Variants in PCDH7 observed in about 807,000 individuals in gnomAD.
PCDH7 encodes the protein protocadherin-7.
A neutral mutation model predicts 58.9 loss-of-function variants in PCDH7; 17 were observed. The observed-to-expected ratio is 0.29, with a 90% CI of 0.20 to 0.43. The LOEUF (loss-of-function observed/expected upper bound fraction) is 0.43, where lower values mean the gene tolerates loss of function less well. Ranked by LOEUF, PCDH7 falls within the 20% of genes least tolerant of loss-of-function variation. The pLI is 1.00. For synonymous variants in PCDH7, 664 were observed against 616.4 expected (o/e 1.08, Z -1.14); for missense variants, 1,274 against 1,441.0 (o/e 0.88, Z 1.88).
intron 3 of PCDH7, among the ~76,000 whole-genome samples, chr4:30,972,682 T>C (rs1318442557): frequency 6.6e-6 from 1 of 152,132 alleles, no homozygotes; most frequent in East Asian, 1.9e-4. Context: ...CTTATTTTGC[T>C]CATAAAATCA....
chr4:30,881,577 C>G (rs1736980098), intron 1 of PCDH7, among the ~76,000 whole-genome samples: 1 of 152,128 alleles, frequency 6.6e-6, no homozygotes, highest in Non-Finnish European at 1.5e-5. Context: ...CCGTTTCTAG[C>G]TTTTTGACTG....
chr4:30,724,921 T>G, intron 1 of PCDH7: 1 of 1,092,194 alleles, frequency 9.2e-7, no homozygotes, highest in Non-Finnish European at 1.1e-6. Context: ...TGTGTATTAC[T>G]TAGATGGTTA....
chr4:30,899,986 T>C (rs1231780496), intron 1 of PCDH7, among the ~76,000 whole-genome samples: 1 of 152,212 alleles, frequency 6.6e-6, no homozygotes, highest in Non-Finnish European at 1.5e-5. Flanking sequence ...TCAGTGATTC[T>C]CAAAACTTGG....
At chr4:30,772,450 A>G (rs1721540736) in intron 1 of PCDH7, among the ~76,000 whole-genome samples, 1 of 152,158 alleles carries the variant, frequency 6.6e-6, no homozygotes, top group Admixed American at 6.6e-5. Context: ...GAGGTAAAGC[A>G]TGGCTGACAA....
At chr4:30,979,261 G>A (rs540397120) in intron 3 of PCDH7, among the ~76,000 whole-genome samples, 37 of 150,476 alleles carry the variant, frequency 2.5e-4, no homozygotes, top group African/African-American at 5.9e-4. Flanking sequence ...AGGAGGAGGA[G>A]CTTGCAGTGA....
intron 1 of PCDH7, among the ~76,000 whole-genome samples, chr4:30,762,451 G>T (rs1209580110): frequency 6.6e-6 from 1 of 152,022 alleles, no homozygotes; most frequent in Non-Finnish European, 1.5e-5. Context: ...TTCAAAGAAG[G>T]TTATTTGTCG....
At chr4:30,842,188 G>A in intron 1 of PCDH7, among the ~76,000 whole-genome samples, 1 of 152,144 alleles carries the variant, frequency 6.6e-6, no homozygotes, top group South Asian at 2.1e-4. Flanking sequence ...AAATTTATTG[G>A]AAATAATTTC....
chr4:30,857,850 T>A (rs1018968524), intron 1 of PCDH7, among the ~76,000 whole-genome samples: 1 of 152,184 alleles, frequency 6.6e-6, no homozygotes, highest in Admixed American at 6.6e-5. Context: ...GATCCCAGTC[T>A]TCTGCCTTGT....
At chr4:30,939,485 G>A (rs1213313390) in intron 2 of PCDH7, among the ~76,000 whole-genome samples, 1 of 152,044 alleles carries the variant, frequency 6.6e-6, no homozygotes, top group Admixed American at 6.6e-5. Flanking sequence ...CTCCAGCATA[G>A]TTACTTTCTT....
At chr4:30,981,793 T>A (rs1028451178) in intron 3 of PCDH7, among the ~76,000 whole-genome samples, 1 of 152,212 alleles carries the variant, frequency 6.6e-6, no homozygotes, top group Non-Finnish European at 1.5e-5. Context: ...ATATCACTGA[T>A]TTTTTCTTTT....
intron 3 of PCDH7, among the ~76,000 whole-genome samples, chr4:30,985,358 C>T (rs538478680): frequency 2.0e-5 from 3 of 152,170 alleles, no homozygotes; most frequent in African/African-American, 7.2e-5. Flanking sequence ...TTTCGGGAAA[C>T]ATTATAGACT....
At chr4:30,796,300 C>T (rs1724763494) in intron 1 of PCDH7, among the ~76,000 whole-genome samples, 1 of 152,090 alleles carries the variant, frequency 6.6e-6, no homozygotes, top group African/African-American at 2.4e-5. Context: ...AACGGACTTC[C>T]CCAGTAGTCA....
At chr4:30,856,977 G>A (rs985549123) in intron 1 of PCDH7, among the ~76,000 whole-genome samples, 3 of 151,294 alleles carry the variant, frequency 2.0e-5, no homozygotes, top group African/African-American at 4.9e-5. Context: ...CAGGCATTTC[G>A]GTTATGAGAG....
At chr4:31,088,166 C>T (rs1330646256) in intron 3 of PCDH7, among the ~76,000 whole-genome samples, 1 of 151,832 alleles carries the variant, frequency 6.6e-6, no homozygotes, top group African/African-American at 2.4e-5. Context: ...TGTTTTTAGG[C>T]CCATAGTAGA....
chr4:31,059,984 G>T (rs1239269935), intron 3 of PCDH7, among the ~76,000 whole-genome samples: 1 of 151,756 alleles, frequency 6.6e-6, no homozygotes, highest in African/African-American at 2.4e-5. Flanking sequence ...GAAGCATAAT[G>T]ATGGCTAGAA....
At chr4:30,854,964 T>A (rs1228793538) in intron 1 of PCDH7, among the ~76,000 whole-genome samples, 1 of 152,186 alleles carries the variant, frequency 6.6e-6, no homozygotes, top group African/African-American at 2.4e-5. Flanking sequence ...TGTATAGTTC[T>A]GAGTTAAGTG....
Position 31,067,288 on chromosome 4 carries a change from T to C in PCDH7, c.*8-75185T>C, listed in dbSNP as rs891193541. On this transcript the variant is annotated intron_variant, in intron 3 of 3. Coordinates refer to the PCDH7 transcript ENST00000509759. ...ACCTACAACAAGGTTTGGGAACCACTGTTCCAGGGATGTCTAGGATTTTTA... is the reference window on the plus strand; with the variant it reads ...ACCTACAACAAGGTTTGGGAACCACCGTTCCAGGGATGTCTAGGATTTTTA... Among the ~76,000 whole-genome samples the C allele has an allele frequency of 4.6e-5, 7 of 151,222 alleles. No individual in the cohort carries two copies. In the East Asian group the frequency reaches 1.2e-3, roughly 25 times the overall value.
At chr4:30,927,263 T>C (rs903625937) in intron 2 of PCDH7, among the ~76,000 whole-genome samples, 2 of 152,204 alleles carry the variant, frequency 1.3e-5, no homozygotes, top group African/African-American at 2.4e-5. Flanking sequence ...TATAATTCTA[T>C]TCTTCCTCTG....
At position 30,997,912 on chromosome 4, in the gene PCDH7, T is replaced by A. The variant is rs188882454; in HGVS notation, c.*7+47697T>A. On this transcript the variant is annotated intron_variant, in intron 3 of 3. Transcript: ENST00000509759. ...AAGTTGTTGATTTTGTGTGTGTGTT[T>A]GTGTGTGTGGAGGCTTCAGCAAATA... 5.9e-5 allele frequency among the ~76,000 whole-genome samples: 9 copies of A among 152,208 alleles called. No homozygotes were observed. In the East Asian group the frequency reaches 1.7e-3, roughly 29 times the overall value.
Sources: allele counts gnomAD v4.1 joint callset (sites outside exome capture counted in the v4.1 genomes callset), GRCh38; gene constraint gnomAD v4.1.1; transcripts MANE v1.5; gene names NCBI Gene and HGNC (gene_info 2026-07-23, HGNC 2026-07-21).